CDK14: variants seen among roughly 807,000 people sequenced by gnomAD.
CDK14 encodes the protein cyclin-dependent kinase 14.
Under a neutral mutation model 60.7 loss-of-function variants are expected in CDK14, and 34 were observed. The ratio of observed to expected loss-of-function variants is 0.56; its 90% CI spans 0.43 to 0.75. The LOEUF is 0.75. Among genes scored for constraint, CDK14 ranks in the 30% least tolerant of loss-of-function variants. The pLI, the probability that CDK14 is intolerant of heterozygous loss-of-function variation, is 0.00. For missense variants in CDK14, 482 were observed against 564.1 expected, an observed-to-expected ratio of 0.85 and a Z score of 1.47; for synonymous variants, 197 against 203.7, an observed-to-expected ratio of 0.97 and a Z score of 0.28.
intron 14 of CDK14, among the ~76,000 whole-genome samples, chr7:91,206,198 G>A (rs1312884539): frequency 6.6e-6 from 1 of 152,222 alleles, no homozygotes; most frequent in Non-Finnish European, 1.5e-5. Flanking sequence ...GCCACAGCCT[G>A]TGTGTGCAGC....
chr7:91,127,666 CT>C (rs1036704776), intron 14 of CDK14, among the ~76,000 whole-genome samples: 3 of 150,782 alleles, frequency 2.0e-5, no homozygotes, highest in African/African-American at 7.5e-5. Flanking sequence ...AAAATTTTAA[CT>C]TCTTTTTTTT....
intron 14 of CDK14, among the ~76,000 whole-genome samples, chr7:91,181,753 T>C (rs1016274139): frequency 1.3e-5 from 2 of 152,192 alleles, no homozygotes; most frequent in Non-Finnish European, 2.9e-5. Context: ...TGGGAGACTC[T>C]TCAAGTTTTC....
At chr7:91,126,763 T>TA (rs1471653631) in intron 14 of CDK14, among the ~76,000 whole-genome samples, 1 of 152,146 alleles carries the variant, frequency 6.6e-6, no homozygotes, top group Non-Finnish European at 1.5e-5. Context: ...CTCAGAGACT[T>TA]AAAGTATTCT....
At chr7:90,650,332 A>G (rs1369472874) in intron 2 of CDK14, among the ~76,000 whole-genome samples, 2 of 148,772 alleles carry the variant, frequency 1.3e-5, no homozygotes, top group Non-Finnish European at 3.0e-5. Flanking sequence ...AAATTTGTTT[A>G]AGTTCTTTGT....
intron 6 of CDK14, among the ~76,000 whole-genome samples, chr7:90,866,218 A>G (rs1238015557): frequency 1.6e-5 from 2 of 124,540 alleles, no homozygotes; most frequent in Non-Finnish European, 3.3e-5. Flanking sequence ...CTTCTGAAAT[A>G]CACACACATA....
chr7:90,972,033 A>T (rs1000687856), intron 9 of CDK14, among the ~76,000 whole-genome samples: 2 of 152,192 alleles, frequency 1.3e-5, no homozygotes, highest in African/African-American at 4.8e-5. Flanking sequence ...TTATTCTGAT[A>T]TGCTTAATTT....
chr7:90,818,027 G>C (rs1167164790), intron 5 of CDK14, among the ~76,000 whole-genome samples: 4 of 152,096 alleles, frequency 2.6e-5, no homozygotes, highest in Admixed American at 1.3e-4. Flanking sequence ...TTAACACTAG[G>C]AAGTGCTGCT....
chr7:90,997,339 A>G (rs982619056), intron 10 of CDK14, among the ~76,000 whole-genome samples: 2 of 152,324 alleles, frequency 1.3e-5, no homozygotes, highest in African/African-American at 4.8e-5. Flanking sequence ...GGCCAAGGAC[A>G]TTTCTTGAAC....
At chr7:90,811,639 C>G (rs951168820) in intron 5 of CDK14, among the ~76,000 whole-genome samples, 36 of 151,210 alleles carry the variant, frequency 2.4e-4, no homozygotes, top group African/African-American at 8.5e-4. Context: ...AACTAAAGAG[C>G]TTCTGCACAG....
intron 13 of CDK14, 109 bp from the exon 14 acceptor site, chr7:91,117,956 A>G (rs1181368064): frequency 5.0e-6 from 3 of 594,666 alleles, no homozygotes; most frequent in South Asian, 4.8e-5. Flanking sequence ...CATGATGTTC[A>G]GTGTGCTGGG....
chr7:90,754,632 G>T (rs1456553082), intron 4 of CDK14, among the ~76,000 whole-genome samples: 1 of 152,126 alleles, frequency 6.6e-6, no homozygotes, highest in Admixed American at 6.6e-5. Context: ...TGATAAGTGG[G>T]ACCTAATTGA....
chr7:90,820,697 G>A (rs975039047), intron 5 of CDK14, among the ~76,000 whole-genome samples: 3 of 152,064 alleles, frequency 2.0e-5, no homozygotes, highest in African/African-American at 7.2e-5. Flanking sequence ...TAACCTTATG[G>A]AACAAGTTGT....
At chr7:90,649,248 C>CTTTCTTTGTTTCTTTG (rs1393039883) in intron 2 of CDK14, among the ~76,000 whole-genome samples, 566 of 25,144 alleles carry the variant, frequency 0.023, 39 homozygotes, top group East Asian at 0.12. Flanking sequence ...TTCTTTCTTT[C>CTTTCTTTGTTTCTTTG]TTTCTTTCTT....
intron 9 of CDK14, among the ~76,000 whole-genome samples, chr7:90,977,603 GA>G (rs1265913578): frequency 6.6e-6 from 1 of 152,004 alleles, no homozygotes; most frequent in African/African-American, 2.4e-5. Flanking sequence ...AGTCTTACGG[GA>G]AATCATGACA....
chr7:91,124,699 C>G (rs927976461), intron 14 of CDK14, among the ~76,000 whole-genome samples: 3 of 152,044 alleles, frequency 2.0e-5, no homozygotes, highest in African/African-American at 4.8e-5. Flanking sequence ...CATCTTCTGA[C>G]TTCTTAAAAC....
rs997151858 is a variant in CDK14, at chr7:90,744,398, C to T, written c.370-3283C>T. Among the ~76,000 whole-genome samples, 7 of 152,298 alleles carry T rather than the reference C, an allele frequency of 4.6e-5. No individual in the cohort carries two copies. In the East Asian group the frequency reaches 1.3e-3, roughly 29 times the overall value. On this transcript the variant is annotated intron_variant, in intron 3 of 14. Transcript: ENST00000380050. The stretch of plus-strand genomic sequence containing the variant: ...AGTACAGAACAAAATGAAAAGTCTC[C>T]CATGTCTACTTCTCTCTATACAGAC...
chr7:90,688,067 T>C (rs888413703), intron 2 of CDK14, among the ~76,000 whole-genome samples: 3 of 152,132 alleles, frequency 2.0e-5, no homozygotes, highest in Non-Finnish European at 4.4e-5. Context: ...ATACGAATAA[T>C]ATTAGAATGA....
chr7:90,999,711 C>A (rs1278353511), intron 10 of CDK14, among the ~76,000 whole-genome samples: 1 of 152,142 alleles, frequency 6.6e-6, no homozygotes, highest in African/African-American at 2.4e-5. Context: ...TGGCAGCATT[C>A]GCTTATTTGA....
chr7:90,702,131 A>C (rs1801799049), intron 2 of CDK14, among the ~76,000 whole-genome samples: 1 of 152,184 alleles, frequency 6.6e-6, no homozygotes, highest in Non-Finnish European at 1.5e-5. Context: ...ACCATTCCCC[A>C]GGAAGAGAGA....
Sources: gnomAD v4.1 joint callset for allele counts (sites outside exome capture counted in the v4.1 genomes callset) on GRCh38, gnomAD v4.1.1 for gene constraint, MANE v1.5 for transcripts, NCBI Gene and HGNC (gene_info 2026-07-23, HGNC 2026-07-21) for gene names.